Variants in NCAPH2 observed in about 807,000 individuals in gnomAD.
The protein encoded by NCAPH2 is condensin-2 complex subunit H2.
In NCAPH2, 56 loss-of-function variants were observed where a neutral mutation model predicts 88.6. That is an observed-to-expected ratio of 0.63 (90% CI 0.51 to 0.79). The LOEUF (loss-of-function observed/expected upper bound fraction) is 0.79, where lower values mean the gene tolerates loss of function less well. Among genes scored for constraint, NCAPH2 ranks in the 30% least tolerant of loss-of-function variants. The probability of loss-of-function intolerance (pLI) is 0.00; values close to 1 mark genes in which losing one functional copy is unlikely to be tolerated. For synonymous variants in NCAPH2, 378 were observed against 313.6 expected (o/e 1.21, Z -2.17); for missense variants, 794 against 792.0 (o/e 1.00, Z -0.03).
chr22:50,512,931 A>AAAAAATTT (rs1159342391), intron 1 of NCAPH2, among the ~76,000 whole-genome samples: 3 of 152,206 alleles, frequency 2.0e-5, no homozygotes, highest in Non-Finnish European at 4.4e-5. Flanking sequence ...GTGTGCCAAG[A>AAAAAATTT]ACCATGTTAA....
Position 50,523,286 on chromosome 22 carries a change from G to T in NCAPH2, c.1729G>T (p.Val577Leu), listed in dbSNP as rs377567490. 4 of 1,606,372 alleles carry T rather than the reference G, an allele frequency of 2.5e-6. No individual in the cohort carries two copies. Among genetic ancestry groups the T allele is most frequent in the Admixed American group, 3.4e-5 (2 of 58,976 alleles). ...ITQQPGLEMA[V>L]DTMSLRLLTH... ...CCAGCAGCCCGGGCTGGAGATGGCC[G>T]TGGACACCATGTCCCTGAGACTGCT... The change falls in exon 20 of 20, where the codon GTG (valine) becomes TTG (leucine). Residue 577 changes from valine to leucine, a missense_variant. Physicochemically the swap from Val to Leu is conservative, Grantham distance 32 (BLOSUM62 1). Coordinates refer to ENST00000420993, the MANE Select transcript of NCAPH2 (RefSeq NM_152299.4).
rs1263152596 is a variant in NCAPH2 at position 50,518,123 on chromosome 22, G to A, written c.501-10G>A. 6.2e-7 allele frequency: 1 copy of A among 1,613,740 alleles called. No individual in the cohort carries two copies. On this transcript the variant is annotated splice_polypyrimidine_tract_variant and intron_variant, in intron 6 of 19. Coordinates refer to ENST00000420993, the MANE Select transcript of NCAPH2 (RefSeq NM_152299.4). ...GGGTCTCTACAGCAGGCGTGTTTTT[G>A]CCAGCACAGCCGTCAGGGTGAGGTC...
rs767634441 is a variant in NCAPH2 at position 50,524,296 on chromosome 22, G to A, written c.*921G>A. On this transcript the variant is annotated 3_prime_UTR_variant, in exon 20 of 20. Coordinates refer to ENST00000420993, the MANE Select transcript of NCAPH2 (RefSeq NM_152299.4). ...ACCTGTCTCTGCAGGGCCCTGCCTT[G>A]ACAAAAGCCAGGACCTCAGATGCAG... 27 of 1,602,846 alleles carry A rather than the reference G, an allele frequency of 1.7e-5. No individual in the cohort carries two copies. In the Admixed American group the frequency reaches 3.2e-4, roughly 19 times the overall value.
In NCAPH2 at chr22:50,517,827, C is replaced by T; in HGVS notation, c.420+18C>T. Reference sequence around the variant, plus strand: ...CGCCCAGTGTGAGTCCTGGCCTGGCCCCTCTTAGGCTGGGGTGAGGTCAGC... The same window carrying T: ...CGCCCAGTGTGAGTCCTGGCCTGGCTCCTCTTAGGCTGGGGTGAGGTCAGC... On this transcript the variant is annotated intron_variant, in intron 5 of 19. Coordinates refer to ENST00000420993, the MANE Select transcript of NCAPH2 (RefSeq NM_152299.4). The T allele has an allele frequency of 3.7e-6, 6 of 1,613,182 alleles. No homozygotes were observed. Among genetic ancestry groups the T allele is most frequent in the Non-Finnish European group, 5.1e-6 (6 of 1,179,650 alleles).
chr22:50,522,605 A>G, intron 16 of NCAPH2, 36 bp downstream of exon 16: 1 of 1,613,526 alleles, frequency 6.2e-7, no homozygotes, highest in Non-Finnish European at 8.5e-7. Flanking sequence ...CTGAGGGGCC[A>G]CTGGAGCTGG....
At position 50,523,074 on chromosome 22, in the gene NCAPH2, C is replaced by A; in HGVS notation, c.1585C>A (p.Pro529Thr). The A allele has an allele frequency of 6.2e-7, 1 of 1,610,346 alleles. No homozygotes were observed. Residue 529 changes from proline (P) to threonine (T), a missense_variant, in exon 19 of 20, where the codon CCC becomes ACC. By Grantham distance (38) the Pro-to-Thr change is conservative. Transcript: ENST00000420993. The part of the protein sequence containing the change: ...TYGDQLVSRF[P>T]QLNEWCPFAE... ...TGGGGACCAGCTGGTCTCACGGTTC[C>A]CCCAGCTCAATGAGTGGTGTCCCTT...
chr22:50,521,888 G>A, intron 12 of NCAPH2, 40 bp downstream of exon 12: 1 of 1,607,198 alleles, frequency 6.2e-7, no homozygotes, highest in Non-Finnish European at 8.5e-7. Flanking sequence ...ACTGGGAGCT[G>A]GGGGCTGGGC....
chr22:50,524,578 C>T lies in NCAPH2; in HGVS notation c.*1203C>T, dbSNP rs1165189645. ...CAGCTGCTCACCTGAGCTCAGAACT[C>T]CACCTCCACCAAACATCCACACCTG... is the stretch of plus-strand genomic sequence containing the variant. On this transcript the variant is annotated 3_prime_UTR_variant, in exon 20 of 20. Coordinates refer to ENST00000420993, the MANE Select transcript of NCAPH2 (RefSeq NM_152299.4). 1.5e-5 allele frequency: 11 copies of T among 742,874 alleles called. No homozygotes were observed. Among genetic ancestry groups the T allele is most frequent in the Non-Finnish European group, 2.4e-5 (10 of 409,824 alleles). 46.0% of individuals were successfully genotyped at this position (742,874 alleles called of 1,614,324 possible). A position where few individuals can be genotyped will look rare whatever the true frequency, so the allele number is the denominator to read the frequency against.
rs1218915227 is a variant in NCAPH2, at chr22:50,516,661, T to C, written c.210+113T>C. 7 of 867,514 alleles carry C rather than the reference T, an allele frequency of 8.1e-6. No individual in the cohort carries two copies. The East Asian group carries it at 1.8e-4, about 23-fold the overall frequency. The allele number at this position is 867,514 out of a possible 1,614,324, so 53.7% of individuals were successfully genotyped here. On this transcript the variant is annotated intron_variant, in intron 2 of 19. Coordinates refer to ENST00000420993, the MANE Select transcript of NCAPH2 (RefSeq NM_152299.4). The stretch of plus-strand genomic sequence containing the variant: ...CCCGTCTGTGACCTACCTCCCTCTC[T>C]CCTCAGGTCTCAGCCAATTCCTCAG...
chr22:50,521,818 C>T lies in NCAPH2; in HGVS notation c.1078C>T (p.Gln360Ter). 1.2e-6 allele frequency: 2 copies of T among 1,613,936 alleles called. No individual in the cohort carries two copies. Among genetic ancestry groups the T allele is most frequent in the Non-Finnish European group, 1.7e-6 (2 of 1,180,040 alleles). The part of the protein sequence containing the change: ...KRKRKGAAKL[Q>*]DFHQWYLAAY... ...CAAGAGGAAGGGCGCTGCCAAGCTGCAGGACTTCCACCAGTGGTACCTGGC... is the reference window on the plus strand; with the variant it reads ...CAAGAGGAAGGGCGCTGCCAAGCTGTAGGACTTCCACCAGTGGTACCTGGC... Residue 360 changes from glutamine to a stop codon, truncating the protein, a stop_gained, in exon 12 of 20, where the codon CAG becomes TAG. Transcript: ENST00000420993. LOFTEE classifies it high-confidence loss of function.
intron 9 of NCAPH2, chr22:50,520,533 C>G (rs1001011060): frequency 6.5e-6 from 1 of 153,136 alleles, no homozygotes; most frequent in Non-Finnish European, 1.4e-5. Flanking sequence ...GGATTATAGG[C>G]GTGAGCCACT....
In NCAPH2 at chr22:50,522,411, A is replaced by G. The variant is rs564418286; in HGVS notation, c.1302A>G (p.Ala434=). 1.0e-4 allele frequency: 165 copies of G among 1,611,214 alleles called. No homozygotes were observed. The East Asian group carries it at 1.2e-3, about 12-fold the overall frequency. The change falls in exon 15 of 20, where the codon GCA becomes GCG. Residue 434 remains alanine (A), a synonymous_variant. Coordinates refer to ENST00000420993, the MANE Select transcript of NCAPH2 (RefSeq NM_152299.4). ...HLEDSLEDLG[A]ADDFLEPEEY... ...AGGATTCCCTGGAAGACCTGGGGGC[A>G]GCAGGTGGGTGCCTGCCAGGGGGTG...
chr22:50,515,760 TG>T (rs969873392), intron 1 of NCAPH2: 2 of 1,298,710 alleles, frequency 1.5e-6, no homozygotes, highest in African/African-American at 3.1e-5. Flanking sequence ...GAGCCAGCGT[TG>T]GGGAAGATGT....
intron 2 of NCAPH2, 95 bp from the exon 3 acceptor site, chr22:50,517,332 G>A (rs2068951890): frequency 1.2e-5 from 16 of 1,297,322 alleles, no homozygotes; most frequent in Non-Finnish European, 1.8e-5. Flanking sequence ...TGGTGGTGGT[G>A]GCCAGGCCTC....
In NCAPH2 at chr22:50,521,001, C is replaced by T. The variant is rs558685651; in HGVS notation, c.898C>T (p.Arg300Trp). ...ALPRRYMLRE[R>W]EGAPEPASCV... ...GCCCAGGAGGTACATGCTGCGGGAGCGGGAGGGGGCCCCAGAGCCTGCATC... is the reference window on the plus strand; with the variant it reads ...GCCCAGGAGGTACATGCTGCGGGAGTGGGAGGGGGCCCCAGAGCCTGCATC... The change falls in exon 10 of 20, where the codon CGG (arginine) becomes TGG (tryptophan). Residue 300 changes from arginine (R) to tryptophan (W), a missense_variant. By Grantham distance (101) the Arg-to-Trp change is moderately radical. Transcript: ENST00000420993. 3.2e-6 allele frequency: 5 copies of T among 1,550,862 alleles called. No individual in the cohort carries two copies. Among genetic ancestry groups the T allele is most frequent in the Middle Eastern group, 1.7e-4 (1 of 5,982 alleles).
In NCAPH2 at chr22:50,519,199, C is replaced by T. The variant is rs1171763005; in HGVS notation, c.740C>T (p.Pro247Leu). 3 of 1,609,452 alleles carry T rather than the reference C, an allele frequency of 1.9e-6. No individual in the cohort carries two copies. The highest frequency in any genetic ancestry group is 2.5e-6 in the Non-Finnish European group (3 of 1,178,568). The stretch of plus-strand genomic sequence containing the variant: ...CTTGCTCCCTGCCTAGGCCCCTCTC[C>T]AGAAGGCCCGATGCCCCTGGGTGGG... ...LGFSQEPGPSPEGPMPLGGGE... is the reference protein window; with the variant it reads ...LGFSQEPGPSLEGPMPLGGGE... The change falls in exon 9 of 20, where the codon CCA becomes CTA. Residue 247 changes from proline to leucine, a missense_variant. Physicochemically the swap from Pro to Leu is moderately conservative, Grantham distance 98 (BLOSUM62 -3). Coordinates refer to ENST00000420993, the MANE Select transcript of NCAPH2 (RefSeq NM_152299.4).
rs750392108 is a variant in NCAPH2, at chr22:50,523,540, G to T, written c.*165G>T. ...GAGGGCTGCCTGGCCTCCCTGGGCC[G>T]CTGGTACAGATCACACACACACACA... is the stretch of plus-strand genomic sequence containing the variant. On this transcript the variant is annotated 3_prime_UTR_variant, in exon 20 of 20. Coordinates refer to ENST00000420993, the MANE Select transcript of NCAPH2 (RefSeq NM_152299.4). 52 of 1,579,486 alleles carry T rather than the reference G, an allele frequency of 3.3e-5. No individual in the cohort carries two copies. The highest frequency in any genetic ancestry group is 4.4e-5 in the Non-Finnish European group (51 of 1,159,458).
intron 1 of NCAPH2, among the ~76,000 whole-genome samples, chr22:50,508,803 A>G (rs1833718675): frequency 6.6e-6 from 1 of 152,244 alleles, no homozygotes; most frequent in Non-Finnish European, 1.5e-5. Context: ...GGTCTGGATC[A>G]CGATGTCAGA....
Position 50,523,508 on chromosome 22 carries a change from C to T in NCAPH2, c.*133C>T. 1 of 1,547,700 alleles carries T rather than the reference C, an allele frequency of 6.5e-7. No homozygotes were observed. The highest frequency in any genetic ancestry group is 8.8e-7 in the Non-Finnish European group (1 of 1,141,240). ...AAAAACCCTTTTATGTACACCTGCG[C>T]AGAGAAGAGGGCTGCCTGGCCTCCC... On this transcript the variant is annotated 3_prime_UTR_variant, in exon 20 of 20. Coordinates refer to ENST00000420993, the MANE Select transcript of NCAPH2 (RefSeq NM_152299.4).
Sources: allele counts gnomAD v4.1 joint callset (sites outside exome capture counted in the v4.1 genomes callset), GRCh38; gene constraint gnomAD v4.1.1; transcripts MANE v1.5; gene names NCBI Gene and HGNC (gene_info 2026-07-23, HGNC 2026-07-21).